Variants in RNF150 observed in about 807,000 individuals in gnomAD.
RNF150 encodes ring finger protein 150.
RNF150 carries 24 observed loss-of-function variants against 39.3 expected under a neutral mutation model. That is an observed-to-expected ratio of 0.61 (90% CI 0.44 to 0.86). The LOEUF is 0.86. Ranked by LOEUF, RNF150 falls within the 40% of genes least tolerant of loss-of-function variation. RNF150 has a pLI of 0.00. For synonymous variants in RNF150, 255 were observed against 227.3 expected (o/e 1.12, Z -1.10); for missense variants, 502 against 587.8 (o/e 0.85, Z 1.51).
Position 141,133,163 on chromosome 4 carries a change from C to T in RNF150, c.-355G>A. On this transcript the variant is annotated 5_prime_UTR_variant, in exon 1 of 7. Transcript: ENST00000515673. Reference sequence around the variant, plus strand: ...ATAAGGGTGGCCGGGGGCCCACGAACTTGCAGGGTGGCGGCCCTGCGCCCT... The same window carrying T: ...ATAAGGGTGGCCGGGGGCCCACGAATTTGCAGGGTGGCGGCCCTGCGCCCT... 1 of 258,174 alleles carries T rather than the reference C, an allele frequency of 3.9e-6. No homozygotes were observed. The highest frequency in any genetic ancestry group is 4.3e-5 in the South Asian group (1 of 23,246). The allele number at this position is 258,174 out of a possible 1,614,324, so 16.0% of individuals were successfully genotyped here.
At chr4:141,016,851 C>T (rs909333692) in intron 1 of RNF150, among the ~76,000 whole-genome samples, 3 of 152,166 alleles carry the variant, frequency 2.0e-5, no homozygotes, top group African/African-American at 7.2e-5. Flanking sequence ...TGTCCAGATT[C>T]TTCTTTCGGC....
chr4:140,990,340 C>CT (rs1180377492), intron 1 of RNF150, among the ~76,000 whole-genome samples: 2 of 151,762 alleles, frequency 1.3e-5, no homozygotes, highest in East Asian at 1.9e-4. Context: ...TAACAACTTT[C>CT]TTTTTTTAAT....
At chr4:140,960,271 G>T (rs1732967620) in intron 2 of RNF150, among the ~76,000 whole-genome samples, 1 of 152,032 alleles carries the variant, frequency 6.6e-6, no homozygotes, top group Non-Finnish European at 1.5e-5. Flanking sequence ...AGTAAATTGG[G>T]GAGTTATTAA....
At chr4:141,119,882 A>G (rs2111083124) in intron 1 of RNF150, among the ~76,000 whole-genome samples, 1 of 152,366 alleles carries the variant, frequency 6.6e-6, no homozygotes, top group African/African-American at 2.4e-5. Context: ...TAGCTCTGCT[A>G]AGCACAAGAT....
intron 1 of RNF150, among the ~76,000 whole-genome samples, chr4:141,057,873 A>C (rs776764859): frequency 2.0e-5 from 3 of 152,122 alleles, no homozygotes; most frequent in Non-Finnish European, 4.4e-5. Flanking sequence ...GTGGACATAA[A>C]GACTAAACTT....
At chr4:141,078,701 A>G (rs1007933546) in intron 1 of RNF150, among the ~76,000 whole-genome samples, 1 of 149,660 alleles carries the variant, frequency 6.7e-6, no homozygotes, top group African/African-American at 2.5e-5. Flanking sequence ...GAGGCAGGAG[A>G]ACGGCGTGAA....
chr4:140,973,562 A>G (rs965503286), intron 1 of RNF150, among the ~76,000 whole-genome samples: 1 of 152,064 alleles, frequency 6.6e-6, no homozygotes, highest in African/African-American at 2.4e-5. Context: ...GTATTTTGAA[A>G]TAATTATAGA....
chr4:140,876,563 C>G (rs1186806856), intron 6 of RNF150, among the ~76,000 whole-genome samples: 1 of 152,200 alleles, frequency 6.6e-6, no homozygotes, highest in Non-Finnish European at 1.5e-5. Flanking sequence ...ATACTAATAG[C>G]TAGGATAGAC....
intron 6 of RNF150, among the ~76,000 whole-genome samples, chr4:140,870,656 T>G (rs1256222387): frequency 6.6e-6 from 1 of 152,202 alleles, no homozygotes; most frequent in Middle Eastern, 3.4e-3. Flanking sequence ...ACAGCACCAC[T>G]CCACAGCACA....
At chr4:141,107,744 C>A (rs1410190625) in intron 1 of RNF150, among the ~76,000 whole-genome samples, 1 of 152,184 alleles carries the variant, frequency 6.6e-6, no homozygotes, top group Non-Finnish European at 1.5e-5. Flanking sequence ...ATATTAAAAT[C>A]TTCCAAGAAA....
intron 1 of RNF150, among the ~76,000 whole-genome samples, chr4:141,188,410 G>T (rs1371836046): frequency 6.6e-6 from 1 of 152,134 alleles, no homozygotes; most frequent in East Asian, 1.9e-4. Context: ...CTAGTTTGGG[G>T]AAGTTCTCCT....
At chr4:141,088,595 C>A (rs1457921701) in intron 1 of RNF150, among the ~76,000 whole-genome samples, 1 of 151,636 alleles carries the variant, frequency 6.6e-6, no homozygotes, top group Non-Finnish European at 1.5e-5. Context: ...ATGTTGGTTA[C>A]CTGCAAATTT....
intron 1 of RNF150, among the ~76,000 whole-genome samples, chr4:141,164,079 A>C (rs1460977728): frequency 6.6e-6 from 1 of 152,024 alleles, no homozygotes; most frequent in Non-Finnish European, 1.5e-5. Context: ...GGAACTGATA[A>C]CTAGAATAAC....
intron 1 of RNF150, among the ~76,000 whole-genome samples, chr4:141,186,438 G>A (rs546682545): frequency 3.9e-4 from 59 of 151,962 alleles, no homozygotes; most frequent in East Asian, 1.6e-3. Flanking sequence ...CTCTCCCTTT[G>A]CCCAGGCTGG....
Position 140,911,345 on chromosome 4 carries a change from C to T in RNF150, c.997G>A (p.Asp333Asn), listed in dbSNP as rs138178278. The change falls in exon 6 of 7, where the codon GAC becomes AAC. Residue 333 changes from aspartate (D) to asparagine (N), a missense_variant. Coordinates refer to ENST00000515673, the MANE Select transcript of RNF150 (RefSeq NM_020724.2). ...LKALGIPPNA[D>N]CMDDLPTDFE... ...TCAGTGGGCAAGTCGTCCATGCAGT[C>T]GGCATTGGGCTGATGGGGCAGAAAA... The T allele has an allele frequency of 9.6e-5, 155 of 1,613,896 alleles. No individual in the cohort carries two copies. In the Middle Eastern group the frequency reaches 9.9e-4, roughly 10 times the overall value.
At position 141,132,252 on chromosome 4, in the gene RNF150, G is replaced by A; in HGVS notation, c.484+73C>T. On this transcript the variant is annotated intron_variant, in intron 1 of 6. Transcript: ENST00000515673. The surrounding 1 kb of genome is among the most constrained non-coding windows in gnomAD (Gnocchi z 4.9). ...ACGGACTTCCCAGAAGGAGCCTGGAGGCAGGCGCTGGATCCCTCTAGGCAC... is the reference window on the plus strand; with the variant it reads ...ACGGACTTCCCAGAAGGAGCCTGGAAGCAGGCGCTGGATCCCTCTAGGCAC... The A allele has an allele frequency of 2.0e-6, 3 of 1,472,078 alleles. No homozygotes were observed. Among genetic ancestry groups the A allele is most frequent in the Non-Finnish European group, 2.8e-6 (3 of 1,085,090 alleles). 91.2% of individuals were successfully genotyped at this position (1,472,078 alleles called of 1,614,324 possible).
intron 1 of RNF150, among the ~76,000 whole-genome samples, chr4:141,072,903 A>T (rs1268313339): frequency 6.6e-6 from 1 of 152,162 alleles, no homozygotes; most frequent in Non-Finnish European, 1.5e-5. Context: ...TATTCTTTTG[A>T]ATCACTATGC....
intron 1 of RNF150, among the ~76,000 whole-genome samples, chr4:141,143,636 G>A (rs1727156589): frequency 1.3e-5 from 2 of 152,176 alleles, no homozygotes; most frequent in South Asian, 4.1e-4. Context: ...CACTTTAAGT[G>A]AGCCTGTGCC....
At chr4:140,920,979 T>A (rs13135992) in intron 5 of RNF150, among the ~76,000 whole-genome samples, 4 of 150,706 alleles carry the variant, frequency 2.7e-5, no homozygotes, top group African/African-American at 7.3e-5. Context: ...TAGGTGGGAA[T>A]TGAACACTGA....
Sources: allele counts gnomAD v4.1 joint callset (sites outside exome capture counted in the v4.1 genomes callset), GRCh38; gene constraint gnomAD v4.1.1; non-coding constraint Gnocchi (gnomAD v3.1); transcripts MANE v1.5; gene names NCBI Gene and HGNC (gene_info 2026-07-23, HGNC 2026-07-21).